Variants in FRMPD4 observed in about 807,000 individuals in gnomAD.
The protein encoded by FRMPD4 is FERM and PDZ domain-containing protein 4.
A neutral mutation model predicts 94.1 loss-of-function variants in FRMPD4; 22 were observed. The observed-to-expected ratio is 0.23, with a 90% CI of 0.17 to 0.33. The LOEUF is 0.33. Among genes scored for constraint, FRMPD4 ranks in the 10% least tolerant of loss-of-function variants. The pLI is 1.00. For synonymous variants in FRMPD4, 631 were observed against 548.6 expected (o/e 1.15, Z -2.10); for missense variants, 1,111 against 1,339.9 (o/e 0.83, Z 2.67).
chrX:12,251,580 GTTC>G (rs2054040559), intron 1 of FRMPD4, among the ~76,000 whole-genome samples: 1 of 111,877 alleles, frequency 8.9e-6, no homozygotes, highest in Admixed American at 9.4e-5. Context: ...CCAGGGTTCT[GTTC>G]TTCTTGGCTT....
chrX:11,850,868 A>C (rs187009515), intron 1 of FRMPD4, among the ~76,000 whole-genome samples: 27 of 112,343 alleles, frequency 2.4e-4, no homozygotes, highest in Non-Finnish European at 3.6e-4. Context: ...AGATAAAAAG[A>C]GTTCTGGAGA....
At chrX:12,182,474 G>A (rs1402321611) in intron 1 of FRMPD4, among the ~76,000 whole-genome samples, 1 of 110,606 alleles carries the variant, frequency 9.0e-6, no homozygotes, top group East Asian at 2.8e-4. Context: ...TTATTTTAAT[G>A]CACTGAGGAA....
At chrX:12,090,792 T>G (rs1455373887) in intron 3 of FRMPD4, among the ~76,000 whole-genome samples, 3 of 112,597 alleles carry the variant, frequency 2.7e-5, no homozygotes, top group Admixed American at 9.4e-5. Context: ...CCTCTTGGAT[T>G]TTTGATCGGA....
chrX:12,273,816 T>C (rs1380743409), intron 1 of FRMPD4, among the ~76,000 whole-genome samples: 1 of 112,703 alleles, frequency 8.9e-6, no homozygotes, highest in African/African-American at 3.2e-5. Context: ...TTTTCATCTC[T>C]GGGTATCAAA....
intron 1 of FRMPD4, among the ~76,000 whole-genome samples, chrX:12,469,965 C>T (rs2057491666): frequency 2.7e-5 from 3 of 111,956 alleles, no homozygotes; most frequent in South Asian, 7.5e-4. Flanking sequence ...TTACCTGGGA[C>T]GAGTTTATTA....
intron 3 of FRMPD4, among the ~76,000 whole-genome samples, chrX:11,912,086 A>G (rs2053999542): frequency 8.9e-6 from 1 of 112,005 alleles, no homozygotes. Context: ...TCCAATCCAG[A>G]AGCCCCACCG....
At position 12,422,399 on chromosome X, in the gene FRMPD4, C is replaced by T. The variant is rs181018310; in HGVS notation, c.42-76281C>T. 2.7e-5 allele frequency among the ~76,000 whole-genome samples: 3 copies of T among 112,290 alleles called. No homozygotes were observed. In the East Asian group the frequency reaches 8.4e-4, roughly 31 times the overall value. ...ATTCACTTTATTCAATCCTATTCAT[C>T]TGAAAAATGGGGAACATAGGTATTA... On this transcript the variant is annotated intron_variant, in intron 1 of 16. Coordinates refer to ENST00000675598, the MANE Select transcript of FRMPD4 (RefSeq NM_001368397.1).
In FRMPD4 at chrX:12,701,885, T is replaced by C; in HGVS notation, c.945T>C (p.Asp315=). The C allele has an allele frequency of 8.3e-7, 1 of 1,211,822 alleles. No homozygotes were observed. The highest frequency in any genetic ancestry group is 1.1e-6 in the Non-Finnish European group (1 of 895,117). Residue 315 remains aspartate (D), a synonymous_variant, in exon 10 of 17, where the codon GAT becomes GAC. Transcript: ENST00000675598. ...TGGTCTCTTCGCAGAGTTGTAACGA[T>C]GTGGTTCAGGAGCGATTTGGGCCGG... ...FEYLYVQSCN[D]VVQERFGPEL... is the part of the protein sequence containing the mutation.
In FRMPD4 at chrX:12,710,388, C is replaced by G; in HGVS notation, c.1471-11C>G. ...TGGATGGCTTTAACCAAAGTGTTCT[C>G]TTTTGTGTAGCCTATCACGCTTCTG... is the stretch of plus-strand genomic sequence containing the variant. On this transcript the variant is annotated splice_polypyrimidine_tract_variant and intron_variant, in intron 13 of 16. Transcript: ENST00000675598. 8.4e-7 allele frequency: 1 copy of G among 1,196,201 alleles called. No homozygotes were observed. Among genetic ancestry groups the G allele is most frequent in the Non-Finnish European group, 1.1e-6 (1 of 884,135 alleles).
At chrX:12,199,597 A>G (rs1244834803) in intron 1 of FRMPD4, among the ~76,000 whole-genome samples, 1 of 111,625 alleles carries the variant, frequency 9.0e-6, no homozygotes, top group East Asian at 2.8e-4. Context: ...TTGTTCAAGA[A>G]CTTTCTTTGT....
intron 3 of FRMPD4, among the ~76,000 whole-genome samples, chrX:11,991,587 A>C (rs965870234): frequency 2.7e-5 from 3 of 111,854 alleles, no homozygotes; most frequent in African/African-American, 9.7e-5. Flanking sequence ...AATTGAATAG[A>C]CTTTTCAAGT....
rs147611945 is a variant in FRMPD4 at position 12,690,287 on chromosome X, G to C, written c.774G>C (p.Thr258=). Residue 258 remains threonine, a synonymous_variant, in exon 8 of 17, where the codon ACG becomes ACC. Transcript: ENST00000675598. ...MLEQRTEGAG[T]KLLLLHEQET... ...AGCAGAGGACAGAAGGGGCTGGAACGAAGCTGCTCTTGCTTCATGAACAGG... is the reference window on the plus strand; with the variant it reads ...AGCAGAGGACAGAAGGGGCTGGAACCAAGCTGCTCTTGCTTCATGAACAGG... 4 of 1,207,832 alleles carry C rather than the reference G, an allele frequency of 3.3e-6. No homozygotes were observed. In the Admixed American group the frequency reaches 6.6e-5, roughly 20 times the overall value.
At chrX:11,949,191 C>T (rs989992916) in intron 3 of FRMPD4, among the ~76,000 whole-genome samples, 2 of 111,701 alleles carry the variant, frequency 1.8e-5, no homozygotes, top group African/African-American at 6.5e-5. Context: ...ATTAATGTGG[C>T]GAATGTAATG....
chrX:12,157,982 G>C (rs1191909478), intron 1 of FRMPD4, among the ~76,000 whole-genome samples: 1 of 112,179 alleles, frequency 8.9e-6, no homozygotes, highest in Admixed American at 9.5e-5. Context: ...ACTTGCTCAT[G>C]TGTGTGTAGA....
At chrX:12,668,303 A>T (rs898894797) in intron 4 of FRMPD4, among the ~76,000 whole-genome samples, 4 of 111,270 alleles carry the variant, frequency 3.6e-5, no homozygotes, top group Non-Finnish European at 5.7e-5. Context: ...TATAGACGAG[A>T]AAAAAAGAGA....
chrX:12,459,354 C>G (rs1441092212), intron 1 of FRMPD4, among the ~76,000 whole-genome samples: 2 of 110,875 alleles, frequency 1.8e-5, no homozygotes, highest in Admixed American at 1.9e-4. Context: ...ATTTGCCAAT[C>G]TGAAGTGTAA....
intron 3 of FRMPD4, among the ~76,000 whole-genome samples, chrX:12,076,723 A>G (rs1294219305): frequency 9.0e-6 from 1 of 110,815 alleles, no homozygotes; most frequent in African/African-American, 3.3e-5. Flanking sequence ...CACTTTATCT[A>G]TGCATTGATG....
intron 4 of FRMPD4, among the ~76,000 whole-genome samples, chrX:12,657,085 T>C (rs1238412079): frequency 1.1e-5 from 1 of 93,467 alleles, no homozygotes; most frequent in Non-Finnish European, 2.2e-5. Flanking sequence ...AAACTCCTTC[T>C]AAAAAAAAAA....
chrX:11,955,668 G>A (rs1407846894), intron 3 of FRMPD4, among the ~76,000 whole-genome samples: 4 of 106,949 alleles, frequency 3.7e-5, no homozygotes, highest in Non-Finnish European at 7.7e-5. Context: ...CGTGAACCCA[G>A]GAGGCAGAGC....
Sources: allele counts gnomAD v4.1 joint callset (sites outside exome capture counted in the v4.1 genomes callset), GRCh38; gene constraint gnomAD v4.1.1; transcripts MANE v1.5; gene names NCBI Gene and HGNC (gene_info 2026-07-23, HGNC 2026-07-21).